Variants in OR2I1 observed in about 807,000 individuals in gnomAD.
The protein encoded by OR2I1 is putative olfactory receptor 2I1.
At chr6:29,551,028 T>C in the OR2I1 span, among the ~76,000 whole-genome samples, 4 of 152,212 alleles carry the variant, frequency 2.6e-5, no homozygotes, top group African/African-American at 9.7e-5. Context: ...CACACATGCC[T>C]ATGTTTTGGG....
chr6:29,556,461 C>T, the OR2I1 span: 1 of 713,310 alleles, frequency 1.4e-6, no homozygotes, highest in South Asian at 1.9e-5. Context: ...TCCTCTAGCT[C>T]CTATTCAGTA....
chr6:29,556,093 T>G, the OR2I1 span: 1 of 1,613,116 alleles, frequency 6.2e-7, no homozygotes, highest in Non-Finnish European at 8.5e-7. Context: ...CCTCATCACC[T>G]GACTCCACAA....
the OR2I1 span, among the ~76,000 whole-genome samples, chr6:29,551,396 T>C: frequency 0.033 from 5,056 of 152,330 alleles, 112 homozygotes; most frequent in Non-Finnish European, 0.054. Flanking sequence ...GTTAGTCAAA[T>C]ATAAGTGGAA....
the OR2I1 span, chr6:29,557,731 G>A: frequency 2.0e-5 from 3 of 152,172 alleles, no homozygotes; most frequent in African/African-American, 4.8e-5. Flanking sequence ...CTACCTTGCA[G>A]ACTATAACCT....
the OR2I1 span, chr6:29,556,370 A>G: frequency 6.3e-7 from 1 of 1,593,642 alleles, no homozygotes; most frequent in Non-Finnish European, 8.6e-7. Context: ...GAAAGCCACA[A>G]GACAGTTACC....
chr6:29,553,315 T>G, the OR2I1 span: 4 of 399,584 alleles, frequency 1.0e-5, no homozygotes, highest in African/African-American at 8.2e-5. Flanking sequence ...TGTCCTCCTG[T>G]GCTACCTCCT....
At chr6:29,556,342 G>T in the OR2I1 span, 1 of 1,609,496 alleles carries the variant, frequency 6.2e-7, no homozygotes, top group Non-Finnish European at 8.5e-7. Context: ...CCTCGGAACG[G>T]ACATGCACCT....
chr6:29,556,466 T>G, the OR2I1 span: 1 of 686,430 alleles, frequency 1.5e-6, no homozygotes, highest in East Asian at 2.7e-5. Context: ...TAGCTCCTAT[T>G]CAGTAGCCAG....
chr6:29,556,724 A>G, the OR2I1 span: 3 of 199,926 alleles, frequency 1.5e-5, no homozygotes, highest in Non-Finnish European at 1.0e-5. Flanking sequence ...TGGGAAGCTG[A>G]GGCAGGCTGA....
the OR2I1 span, chr6:29,553,240 G>A: frequency 2.5e-6 from 1 of 398,902 alleles, no homozygotes. Context: ...CTACAGCGCA[G>A]AGGAGCGCTT....
the OR2I1 span, chr6:29,555,123 C>A: frequency 1.3e-5 from 2 of 152,234 alleles, no homozygotes; most frequent in African/African-American, 4.8e-5. Flanking sequence ...AAAGTTTGTT[C>A]GCTCCCAATG....
At chr6:29,556,514 C>A in the OR2I1 span, 5 of 579,684 alleles carry the variant, frequency 8.6e-6, no homozygotes, top group East Asian at 1.4e-4. Context: ...TTTGGAATTA[C>A]CAAGTTACAA....
chr6:29,556,145 A>C, the OR2I1 span: 1 of 1,613,066 alleles, frequency 6.2e-7, no homozygotes, highest in South Asian at 1.1e-5. Context: ...CACCACTTTC[A>C]GGGTAAGGTG....
At chr6:29,554,187 G>A in the OR2I1 span, 11 of 398,710 alleles carry the variant, frequency 2.8e-5, no homozygotes, top group Non-Finnish European at 3.5e-5. Flanking sequence ...AGGGGAGAAA[G>A]TATTAAGCCA....
the OR2I1 span, chr6:29,556,214 T>C: frequency 6.2e-7 from 1 of 1,613,094 alleles, no homozygotes; most frequent in Non-Finnish European, 8.5e-7. Flanking sequence ...CTTTAAGATC[T>C]TGGAGCCCAG....
chr6:29,553,078 A>AT, the OR2I1 span: 2 of 397,502 alleles, frequency 5.0e-6, no homozygotes, highest in Non-Finnish European at 8.9e-6. Context: ...TGTAAATGGG[A>AT]TTACAATCCA....
the OR2I1 span, chr6:29,556,026 T>C: frequency 3.1e-6 from 5 of 1,612,982 alleles, no homozygotes; most frequent in Admixed American, 1.7e-5. Context: ...GTCTCGATCA[T>C]TGCTTTCACT....
At chr6:29,555,826 A>G in the OR2I1 span, 1 of 1,385,936 alleles carries the variant, frequency 7.2e-7, no homozygotes, top group African/African-American at 1.5e-5. Context: ...GTTGAGTAAG[A>G]GATTAAAAGA....
chr6:29,551,538 A>G, the OR2I1 span, among the ~76,000 whole-genome samples: 1 of 152,378 alleles, frequency 6.6e-6, no homozygotes, highest in East Asian at 1.9e-4. Flanking sequence ...TAATAAATGA[A>G]AAGAGCTGTA....
Sources: gnomAD v4.1 joint callset for allele counts (sites outside exome capture counted in the v4.1 genomes callset) on GRCh38, gnomAD v4.1.1 for gene constraint, MANE v1.5 for transcripts, NCBI Gene and HGNC (gene_info 2026-07-23, HGNC 2026-07-21) for gene names.